The following TMEM45A variants were observed in gnomAD, a reference collection of about 807,000 sequenced individuals.
TMEM45A encodes DNA polymerase-transactivated protein 4.
A neutral mutation model predicts 32.0 loss-of-function variants in TMEM45A; 25 were observed. That is an observed-to-expected ratio of 0.78 (90% CI 0.57 to 1.09). The LOEUF is 1.09. Ranked by LOEUF, TMEM45A falls within the 50% of genes least tolerant of loss-of-function variation. The pLI, the probability that TMEM45A is intolerant of heterozygous loss-of-function variation, is 0.00. For synonymous variants in TMEM45A, 122 were observed against 114.8 expected, an observed-to-expected ratio of 1.06 and a Z score of -0.40; for missense variants, 302 against 325.0, an observed-to-expected ratio of 0.93 and a Z score of 0.54.
In TMEM45A at chr3:100,558,584, T is replaced by G. The variant is rs754733170; in HGVS notation, c.583T>G (p.Phe195Val). 26 of 1,613,606 alleles carry G rather than the reference T, an allele frequency of 1.6e-5. No homozygotes were observed. Among genetic ancestry groups the G allele is most frequent in the Admixed American group, 6.7e-5 (4 of 59,988 alleles). Residue 195 changes from phenylalanine (F) to valine (V), a missense_variant, in exon 4 of 6, where the codon TTT (phenylalanine) becomes GTT (valine). Phe to Val is a conservative substitution (Grantham distance 50). Transcript: ENST00000323523. ...CATTCTGCTTCAGGGGAGCTGGTTC[T>G]TTCAGGTGAGTTGGGGCCTCTAGTT... Reference protein sequence around the residue: ...SLILLQGSWFFQIGFVLYPPS... With the variant: ...SLILLQGSWFVQIGFVLYPPS...
In TMEM45A at chr3:100,568,920, T is replaced by C. The variant is rs28722928; in HGVS notation, c.687T>C (p.Tyr229=). ...LFLTICFCWH[Y]AVTIVIVGMN... The stretch of plus-strand genomic sequence containing the variant: ...TCACCATATGCTTTTGTTGGCATTA[T>C]GCAGTAACCATTGTCATCGTTGGAA... The change falls in exon 5 of 6, where the codon TAT becomes TAC. Residue 229 remains tyrosine, a synonymous_variant. Transcript: ENST00000323523. The C allele has an allele frequency of 0.14, 233,399 of 1,613,244 alleles. 21,416 individuals carry two copies. The highest frequency in any genetic ancestry group is 0.36 in the African/African-American group (26,835 of 74,922).
chr3:100,519,704 C>A, intron 1 of TMEM45A: 3 of 1,264,668 alleles, frequency 2.4e-6, no homozygotes, highest in South Asian at 1.3e-5. Context: ...CTGACTGTAC[C>A]GTGTATTTAT....
At chr3:100,496,492 C>T (rs1707930723) in intron 1 of TMEM45A, among the ~76,000 whole-genome samples, 1 of 152,184 alleles carries the variant, frequency 6.6e-6, no homozygotes, top group Non-Finnish European at 1.5e-5. Context: ...ATAGGCTATG[C>T]TACCTTAGGT....
chr3:100,494,200 C>T (rs1290690092), intron 1 of TMEM45A, among the ~76,000 whole-genome samples: 1 of 152,152 alleles, frequency 6.6e-6, no homozygotes, highest in African/African-American at 2.4e-5. Context: ...CATGTATAAT[C>T]CCCTCTGTTT....
At chr3:100,561,984 A>C (rs956008473) in intron 4 of TMEM45A, among the ~76,000 whole-genome samples, 1 of 152,262 alleles carries the variant, frequency 6.6e-6, no homozygotes, top group African/African-American at 2.4e-5. Context: ...CTGATGCGGC[A>C]GCAGATCAAA....
intron 1 of TMEM45A, among the ~76,000 whole-genome samples, chr3:100,549,171 C>T (rs11706258): frequency 0.36 from 54,626 of 151,414 alleles, 10,661 homozygotes; most frequent in Middle Eastern, 0.47. Context: ...CACTTCAACC[C>T]GGGAGGTGGA....
intron 1 of TMEM45A, among the ~76,000 whole-genome samples, chr3:100,548,057 C>A (rs1706015697): frequency 6.6e-6 from 1 of 152,064 alleles, no homozygotes; most frequent in Non-Finnish European, 1.5e-5. Context: ...GTAGTGGGAA[C>A]AATAGGCAGA....
At chr3:100,499,563 T>C (rs1312573488) in intron 1 of TMEM45A, among the ~76,000 whole-genome samples, 1 of 152,250 alleles carries the variant, frequency 6.6e-6, no homozygotes, top group Non-Finnish European at 1.5e-5. Context: ...ACTGATTTTT[T>C]CTTATAGAAT....
chr3:100,522,278 A>G (rs1394523043), intron 1 of TMEM45A, among the ~76,000 whole-genome samples: 2 of 152,176 alleles, frequency 1.3e-5, no homozygotes, highest in African/African-American at 4.8e-5. Flanking sequence ...CCTGTGAGTC[A>G]CAGCTGTGTG....
intron 1 of TMEM45A, among the ~76,000 whole-genome samples, chr3:100,510,583 C>T (rs1295257698): frequency 1.4e-5 from 2 of 145,694 alleles, no homozygotes; most frequent in East Asian, 2.0e-4. Flanking sequence ...CAAAGGAACG[C>T]ACGCAGTTCC....
At chr3:100,514,401 G>A (rs1008566399) in intron 1 of TMEM45A, among the ~76,000 whole-genome samples, 3 of 152,114 alleles carry the variant, frequency 2.0e-5, no homozygotes, top group Non-Finnish European at 2.9e-5. Context: ...AATATATGGT[G>A]CTGGGAAAAC....
intron 4 of TMEM45A, among the ~76,000 whole-genome samples, chr3:100,563,643 A>G (rs4928066): frequency 6.6e-6 from 1 of 152,186 alleles, no homozygotes; most frequent in Non-Finnish European, 1.5e-5. Flanking sequence ...ACCCCAGCTT[A>G]GATAACTGGG....
chr3:100,526,218 C>T (rs922567515), intron 1 of TMEM45A, among the ~76,000 whole-genome samples: 7 of 152,186 alleles, frequency 4.6e-5, no homozygotes, highest in African/African-American at 1.7e-4. Context: ...AGCTTCTGGA[C>T]GTCTCTCACT....
At chr3:100,560,485 T>C (rs1706310704) in intron 4 of TMEM45A, among the ~76,000 whole-genome samples, 1 of 152,204 alleles carries the variant, frequency 6.6e-6, no homozygotes, top group African/African-American at 2.4e-5. Flanking sequence ...TTATGAGTTA[T>C]TTAGGAGTAC....
chr3:100,555,568 A>G (rs1706203494), intron 2 of TMEM45A, among the ~76,000 whole-genome samples, 167 bp downstream of exon 2: 1 of 152,244 alleles, frequency 6.6e-6, no homozygotes, highest in Non-Finnish European at 1.5e-5. Context: ...TCAAGTTATT[A>G]TGGAAAAGCT....
intron 5 of TMEM45A, among the ~76,000 whole-genome samples, chr3:100,576,115 C>T (rs1470895719): frequency 6.6e-6 from 1 of 151,512 alleles, no homozygotes; most frequent in Non-Finnish European, 1.5e-5. Flanking sequence ...GAGTTCGAGA[C>T]CATCCTGACC....
intron 1 of TMEM45A, among the ~76,000 whole-genome samples, chr3:100,544,171 C>T (rs1276704184): frequency 1.3e-5 from 2 of 151,754 alleles, no homozygotes; most frequent in African/African-American, 4.8e-5. Context: ...ATAAGATATG[C>T]AGGGATGGAG....
intron 2 of TMEM45A, among the ~76,000 whole-genome samples, 188 bp downstream of exon 2, chr3:100,555,589 A>G (rs1258743219): frequency 6.6e-6 from 1 of 152,244 alleles, no homozygotes; most frequent in African/African-American, 2.4e-5. Flanking sequence ...TCAGTAATAA[A>G]TAATTTCTGA....
rs73860689 is a variant in TMEM45A, at chr3:100,546,603, G to A, written c.-3-8606G>A. 7.4e-3 allele frequency among the ~76,000 whole-genome samples: 1,122 copies of A among 152,290 alleles called. 16 individuals are homozygous for A. The highest frequency in any genetic ancestry group is 0.026 in the African/African-American group (1,070 of 41,558). ...ATGACAAAGACCAGTTTTCCTTATCGTTAGCAGTCCTATGCCCTCTGACTT... is the reference window on the plus strand; with the variant it reads ...ATGACAAAGACCAGTTTTCCTTATCATTAGCAGTCCTATGCCCTCTGACTT... On this transcript the variant is annotated intron_variant, in intron 1 of 5. Coordinates refer to ENST00000323523, the MANE Select transcript of TMEM45A (RefSeq NM_018004.3).
Sources: gnomAD v4.1 joint callset for allele counts (sites outside exome capture counted in the v4.1 genomes callset) on GRCh38, gnomAD v4.1.1 for gene constraint, MANE v1.5 for transcripts, NCBI Gene and HGNC (gene_info 2026-07-23, HGNC 2026-07-21) for gene names.